The following PRKCZ variants were observed in gnomAD, a reference collection of about 807,000 sequenced individuals.
The protein encoded by PRKCZ is protein kinase C zeta type.
Under a neutral mutation model 79.5 loss-of-function variants are expected in PRKCZ, and 33 were observed. That is an observed-to-expected ratio of 0.41 (90% CI 0.31 to 0.55). The LOEUF (loss-of-function observed/expected upper bound fraction) is 0.55. Ranked by LOEUF, PRKCZ falls within the 20% of genes least tolerant of loss-of-function variation. The probability of loss-of-function intolerance (pLI) is 0.19; values close to 1 mark genes in which losing one functional copy is unlikely to be tolerated. For missense variants in PRKCZ, 578 were observed against 813.5 expected (o/e 0.71, Z 3.52); for synonymous variants, 342 against 320.9 (o/e 1.07, Z -0.70).
In PRKCZ at chr1:2,059,762, T is replaced by C. The variant is rs370831290; in HGVS notation, c.334+171T>C. Among the ~76,000 whole-genome samples, 7 of 152,366 alleles carry C rather than the reference T, an allele frequency of 4.6e-5. No homozygotes were observed. The East Asian group carries it at 1.4e-3, about 29-fold the overall frequency. On this transcript the variant is annotated intron_variant, in intron 4 of 17. Transcript: ENST00000378567. ...TGGGGTTTTCACTGCAGCTGCTGCC[T>C]GTGCGTGTTCTGGCTGACAGCACCA...
intron 4 of PRKCZ, among the ~76,000 whole-genome samples, chr1:2,107,875 C>T (rs1046553753): frequency 7.3e-5 from 11 of 151,488 alleles, no homozygotes; most frequent in Non-Finnish European, 1.2e-4. Flanking sequence ...GCCCCCAACA[C>T]CCCGGCAGTG....
At position 2,165,643 on chromosome 1, in the gene PRKCZ, C is replaced by T. The variant is rs555246890; in HGVS notation, c.975-3875C>T. 1.3e-5 allele frequency among the ~76,000 whole-genome samples: 2 copies of T among 152,368 alleles called. No individual in the cohort carries two copies. The highest frequency in any genetic ancestry group is 2.1e-4 in the South Asian group (1 of 4,832). ...CTATGCGTTCTAAAACAGAAGCAGC[C>T]TTAGACACTGCGTGAAGGGACGCGT... On this transcript the variant is annotated intron_variant, in intron 10 of 17. Coordinates refer to ENST00000378567, the MANE Select transcript of PRKCZ (RefSeq NM_002744.6). The surrounding 1 kb of genome is among the most constrained non-coding windows in gnomAD (Gnocchi z 4.1).
At position 2,082,483 on chromosome 1, in the gene PRKCZ, G is replaced by A. The variant is rs766912146; in HGVS notation, c.334+22892G>A. On this transcript the variant is annotated intron_variant, in intron 4 of 17. Transcript: ENST00000378567. This position sits in a 1 kb window ranked among gnomAD's most constrained non-coding sequence, Gnocchi z 4.4. The stretch of plus-strand genomic sequence containing the variant: ...TCTGTGAGTGTAAGATCACGTCCGC[G>A]TTCCTAGCGACCGGTTTTGTGATGT... 1.3e-5 allele frequency: 6 copies of A among 449,974 alleles called. No individual in the cohort carries two copies. The highest frequency in any genetic ancestry group is 4.7e-5 in the South Asian group (3 of 63,562). 27.9% of individuals were successfully genotyped at this position (449,974 alleles called of 1,614,324 possible). A position where few individuals can be genotyped will look rare whatever the true frequency, so the allele number is the denominator to read the frequency against.
In PRKCZ at chr1:2,174,034, C is replaced by A; in HGVS notation, c.1405+18C>A. On this transcript the variant is annotated intron_variant, in intron 14 of 17. Coordinates refer to ENST00000378567, the MANE Select transcript of PRKCZ (RefSeq NM_002744.6). This position sits in a 1 kb window ranked among gnomAD's most constrained non-coding sequence, Gnocchi z 6.2. Reference sequence around the variant, plus strand: ...TTTCCAAGGTGCGTGCCCCGCTGTGCGTTCGTACCCCTCACCTGCACGACT... The same window carrying A: ...TTTCCAAGGTGCGTGCCCCGCTGTGAGTTCGTACCCCTCACCTGCACGACT... 6.3e-7 allele frequency: 1 copy of A among 1,580,828 alleles called. No homozygotes were observed. The highest frequency in any genetic ancestry group is 8.6e-7 in the Non-Finnish European group (1 of 1,159,134).
At chr1:2,064,075 G>A (rs985622416) in intron 4 of PRKCZ, among the ~76,000 whole-genome samples, 1 of 152,130 alleles carries the variant, frequency 6.6e-6, no homozygotes, top group African/African-American at 2.4e-5. Context: ...TTGAACTCCC[G>A]ACCTCAAGTG....
intron 4 of PRKCZ, among the ~76,000 whole-genome samples, chr1:2,087,514 C>T (rs563430738): frequency 2.6e-5 from 4 of 152,328 alleles, no homozygotes; most frequent in East Asian, 3.9e-4. Context: ...AGGTGCCAGG[C>T]GAACCCTGGG....
chr1:2,085,345 G>A (rs1664302363), intron 4 of PRKCZ, among the ~76,000 whole-genome samples: 1 of 152,246 alleles, frequency 6.6e-6, no homozygotes, highest in Non-Finnish European at 1.5e-5. Context: ...TGTGCCCTGT[G>A]TTACCGGATC....
rs1417016561 is a variant in PRKCZ at position 2,168,391 on chromosome 1, C to G, written c.975-1127C>G. Among the ~76,000 whole-genome samples, 3 of 152,204 alleles carry G rather than the reference C, an allele frequency of 2.0e-5. No homozygotes were observed. Among genetic ancestry groups the G allele is most frequent in the Non-Finnish European group, 4.4e-5 (3 of 68,030 alleles). On this transcript the variant is annotated intron_variant, in intron 10 of 17. Transcript: ENST00000378567. This position sits in a 1 kb window ranked among gnomAD's most constrained non-coding sequence, Gnocchi z 4.7. ...AGGGGAGACAACAAAAGCCGAGGAA[C>G]GAGCCTTCCCCAGCCGCTCCCCAAA... is the stretch of plus-strand genomic sequence containing the variant.
chr1:2,058,159 G>A (rs969004900), intron 3 of PRKCZ, among the ~76,000 whole-genome samples: 16 of 152,134 alleles, frequency 1.1e-4, no homozygotes, highest in Non-Finnish European at 1.9e-4. Context: ...GAGCCACGGT[G>A]CCCGGCCTAA....
rs149938971 is a variant in PRKCZ at position 2,130,245 on chromosome 1, G to C, written c.335-5017G>C. Among the ~76,000 whole-genome samples the C allele has an allele frequency of 4.6e-5, 7 of 152,310 alleles. No homozygotes were observed. In the East Asian group the frequency reaches 1.4e-3, roughly 29 times the overall value. ...TTAAGTACAGGCTGCCCTGCTGTCC[G>C]TTATCCCTTATAACTCACCTGGTCC... is the stretch of plus-strand genomic sequence containing the variant. On this transcript the variant is annotated intron_variant, in intron 4 of 17. Transcript: ENST00000378567.
chr1:2,153,343 C>T (rs1680277390), intron 9 of PRKCZ, among the ~76,000 whole-genome samples: 1 of 152,248 alleles, frequency 6.6e-6, no homozygotes, highest in African/African-American at 2.4e-5. Flanking sequence ...ATGCTGTTGT[C>T]ACCAAGTGCT....
intron 4 of PRKCZ, among the ~76,000 whole-genome samples, chr1:2,120,178 C>G (rs1413593969): frequency 2.6e-5 from 4 of 151,602 alleles, no homozygotes; most frequent in Non-Finnish European, 1.5e-5. Flanking sequence ...ACAACAGCAG[C>G]CTTGTGAAGG....
chr1:2,118,561 T>C (rs1279525107), intron 4 of PRKCZ, among the ~76,000 whole-genome samples: 3 of 148,714 alleles, frequency 2.0e-5, no homozygotes, highest in Admixed American at 1.3e-4. Context: ...ATGGTCTCGA[T>C]CTCCTGACCT....
chr1:2,064,747 T>C (rs752778107), intron 4 of PRKCZ, among the ~76,000 whole-genome samples: 14 of 152,228 alleles, frequency 9.2e-5, no homozygotes, highest in Non-Finnish European at 1.5e-4. Flanking sequence ...CCACACTGTT[T>C]TGATCACTGT....
chr1:2,156,297 C>T (rs1043663713), intron 10 of PRKCZ: 3 of 498,944 alleles, frequency 6.0e-6, no homozygotes, highest in Non-Finnish European at 1.1e-5. Context: ...TTATTTAATT[C>T]CATTTACGAA....
chr1:2,151,099 G>A, intron 9 of PRKCZ, 121 bp downstream of exon 9: 1 of 1,233,360 alleles, frequency 8.1e-7, no homozygotes, highest in Non-Finnish European at 1.1e-6. Context: ...CGGAGTTTGT[G>A]CAAAATCAAT....
intron 9 of PRKCZ, among the ~76,000 whole-genome samples, chr1:2,152,636 C>T (rs1316868383): frequency 1.3e-5 from 2 of 152,236 alleles, no homozygotes; most frequent in East Asian, 3.8e-4. Context: ...AGAACATTTT[C>T]CTCACCCCAA....
intron 4 of PRKCZ, among the ~76,000 whole-genome samples, chr1:2,106,796 T>G (rs12077989): frequency 8.3e-6 from 1 of 120,006 alleles, no homozygotes; most frequent in Admixed American, 8.2e-5. Flanking sequence ...CCAGGCCAGG[T>G]GACTCTTCAG....
rs11553732 is a variant in PRKCZ, at chr1:2,185,284, G to A, written c.*275G>A. 8.6e-4 allele frequency: 615 copies of A among 717,920 alleles called. 1 individual carries two copies. The highest frequency in any genetic ancestry group is 8.0e-3 in the African/African-American group (462 of 57,402). The allele number at this position is 717,920 out of a possible 1,614,324, so 44.5% of individuals were successfully genotyped here. A position where few individuals can be genotyped will look rare whatever the true frequency, so the allele number is the denominator to read the frequency against. ...GACCCTGCCGAGGGGGCTGTCATGCGGTTTCCAAGGTGCACATTTTCCACG... is the reference window on the plus strand; with the variant it reads ...GACCCTGCCGAGGGGGCTGTCATGCAGTTTCCAAGGTGCACATTTTCCACG... On this transcript the variant is annotated 3_prime_UTR_variant, in exon 18 of 18. Transcript: ENST00000378567.
Sources: gnomAD v4.1 joint callset for allele counts (sites outside exome capture counted in the v4.1 genomes callset) on GRCh38, gnomAD v4.1.1 for gene constraint, Gnocchi (gnomAD v3.1) non-coding constraint, MANE v1.5 for transcripts, NCBI Gene and HGNC (gene_info 2026-07-23, HGNC 2026-07-21) for gene names.